Variants in GBF1 observed in about 807,000 individuals in gnomAD.
The protein encoded by GBF1 is Golgi-specific brefeldin A-resistance guanine nucleotide exchange factor 1.
In GBF1, 114 loss-of-function variants were observed where a neutral mutation model predicts 210.5. That is an observed-to-expected ratio of 0.54 (90% CI 0.47 to 0.63). The LOEUF is 0.63. GBF1 is among the 30% of genes least tolerant of loss of function. The pLI is 0.00. For synonymous variants in GBF1, 850 were observed against 889.2 expected, an observed-to-expected ratio of 0.96 and a Z score of 0.78; for missense variants, 1,851 against 2,357.7, an observed-to-expected ratio of 0.79 and a Z score of 4.45.
At chr10:102,248,947 T>G (rs2071163778) in intron 1 of GBF1, among the ~76,000 whole-genome samples, 1 of 152,210 alleles carries the variant, frequency 6.6e-6, no homozygotes, top group Non-Finnish European at 1.5e-5. Context: ...TTCCTTTATT[T>G]AGAAGAGCCA....
At chr10:102,377,414 C>T (rs948836505) in intron 33 of GBF1, among the ~76,000 whole-genome samples, 19 of 151,864 alleles carry the variant, frequency 1.3e-4, no homozygotes, top group African/African-American at 4.1e-4. Flanking sequence ...AGTGCAGTGG[C>T]GTGATCTCGG....
At chr10:102,361,977 G>A (rs1171994959) in intron 14 of GBF1, 65 bp downstream of exon 14, 1 of 889,956 alleles carries the variant, frequency 1.1e-6, no homozygotes, top group East Asian at 2.9e-5. Context: ...CCTGGTGGTA[G>A]TGAGGATGTT....
intron 33 of GBF1, 61 bp downstream of exon 33, chr10:102,377,201 G>C: frequency 6.9e-7 from 1 of 1,441,830 alleles, no homozygotes; most frequent in Non-Finnish European, 9.7e-7. Context: ...AGCCTGGGGC[G>C]GCCAGGGAAA....
intron 3 of GBF1, among the ~76,000 whole-genome samples, chr10:102,342,360 C>A (rs971866569): frequency 1.3e-5 from 2 of 151,514 alleles, no homozygotes; most frequent in African/African-American, 4.9e-5. Context: ...TTTAAAAGTA[C>A]GTTATGTATT....
At chr10:102,324,413 A>G (rs1223117337) in intron 3 of GBF1, among the ~76,000 whole-genome samples, 1 of 152,110 alleles carries the variant, frequency 6.6e-6, no homozygotes, top group East Asian at 1.9e-4. Context: ...AGTTATTTGT[A>G]AGAAGGAAAA....
In GBF1 at chr10:102,245,730, C is replaced by T. The variant is rs1293786045; in HGVS notation, c.-62C>T. The T allele has an allele frequency of 1.3e-5, 2 of 152,232 alleles. No individual in the cohort carries two copies. The highest frequency in any genetic ancestry group is 4.8e-5 in the African/African-American group (2 of 41,454). The allele number at this position is 152,232 out of a possible 1,614,324, so 9.4% of individuals were successfully genotyped here. ...CTCCGGGGTGCGGGCTGGACATGAG[C>T]AGCGGCTGCCGGTCCTGGGACTAGG... On this transcript the variant is annotated 5_prime_UTR_variant, in exon 1 of 40. Transcript: ENST00000369983.
At chr10:102,362,798 T>A in intron 15 of GBF1, 134 bp downstream of exon 15, 1 of 655,390 alleles carries the variant, frequency 1.5e-6, no homozygotes, top group Non-Finnish European at 2.6e-6. Flanking sequence ...TTTGGCAGTT[T>A]AAATCACAGG....
At chr10:102,339,986 CTT>C (rs1409585838) in intron 3 of GBF1, among the ~76,000 whole-genome samples, 1 of 144,630 alleles carries the variant, frequency 6.9e-6, no homozygotes, top group African/African-American at 2.6e-5. Context: ...CAGGATCTCA[CTT>C]TGTCACCCAG....
At chr10:102,347,309 C>A (rs985311623) in intron 4 of GBF1, among the ~76,000 whole-genome samples, 1 of 152,252 alleles carries the variant, frequency 6.6e-6, no homozygotes, top group Non-Finnish European at 1.5e-5. Flanking sequence ...CAACTAGCTT[C>A]TGAACAGGTG....
the GBF1 span, among the ~76,000 whole-genome samples, chr10:102,232,573 T>G: frequency 6.6e-6 from 1 of 152,118 alleles, no homozygotes; most frequent in South Asian, 2.1e-4. Context: ...TCTCAGCTAC[T>G]CGGGAGGCTG....
chr10:102,362,351 C>T (rs972960620), intron 14 of GBF1, 124 bp from the exon 15 acceptor site: 36 of 709,278 alleles, frequency 5.1e-5, no homozygotes, highest in Non-Finnish European at 7.4e-5. Context: ...CCACCACGCC[C>T]GGCCAGAAAG....
At position 102,363,581 on chromosome 10, in the gene GBF1, G is replaced by A; in HGVS notation, c.2018-129G>A. On this transcript the variant is annotated intron_variant, in intron 16 of 39. Coordinates refer to ENST00000369983, the MANE Select transcript of GBF1 (RefSeq NM_001377137.1). This position sits in a 1 kb window ranked among gnomAD's most constrained non-coding sequence, Gnocchi z 4.2. The stretch of plus-strand genomic sequence containing the variant: ...TGATAGGACTTCCAGGGAAGTGGAA[G>A]ACTGGTGAGGACAAGATTTCTGAGG... The A allele has an allele frequency of 7.4e-6, 6 of 805,708 alleles. No homozygotes were observed. The highest frequency in any genetic ancestry group is 1.3e-5 in the Non-Finnish European group (6 of 476,288). 49.9% of individuals were successfully genotyped at this position (805,708 alleles called of 1,614,324 possible).
At chr10:102,263,980 G>T (rs895681280) in intron 3 of GBF1, among the ~76,000 whole-genome samples, 1 of 152,168 alleles carries the variant, frequency 6.6e-6, no homozygotes, top group South Asian at 2.1e-4. Context: ...TAAAACAGAT[G>T]TGTGGTTACC....
chr10:102,233,850 C>T, the GBF1 span, among the ~76,000 whole-genome samples: 1 of 152,188 alleles, frequency 6.6e-6, no homozygotes, highest in Non-Finnish European at 1.5e-5. Flanking sequence ...CCTCACATTG[C>T]CCAGGAGCCT....
At chr10:102,339,609 T>G (rs1436079731) in intron 3 of GBF1, among the ~76,000 whole-genome samples, 2 of 151,088 alleles carry the variant, frequency 1.3e-5, no homozygotes, top group Non-Finnish European at 2.9e-5. Flanking sequence ...AAGGTTGCAG[T>G]GAGCCAAGAT....
chr10:102,346,175 G>T (rs947361245), intron 4 of GBF1, among the ~76,000 whole-genome samples: 3 of 152,062 alleles, frequency 2.0e-5, no homozygotes, highest in Non-Finnish European at 4.4e-5. Context: ...TAGAGACAGG[G>T]TTTCACCATA....
chr10:102,320,307 C>T (rs977520021), intron 3 of GBF1, among the ~76,000 whole-genome samples: 1 of 151,998 alleles, frequency 6.6e-6, no homozygotes, highest in Non-Finnish European at 1.5e-5. Context: ...AATCTCAGTC[C>T]TTTATATTTA....
chr10:102,280,749 G>A (rs1250938031), intron 3 of GBF1, among the ~76,000 whole-genome samples: 1 of 152,178 alleles, frequency 6.6e-6, no homozygotes. Context: ...TCCAGGCTCT[G>A]CCCTCTGGAC....
intron 3 of GBF1, among the ~76,000 whole-genome samples, chr10:102,267,794 A>G (rs2074014043): frequency 6.6e-6 from 1 of 152,220 alleles, no homozygotes; most frequent in South Asian, 2.1e-4. Context: ...GTGTTAGGAA[A>G]GGCAATGGGC....
Sources: allele counts gnomAD v4.1 joint callset (sites outside exome capture counted in the v4.1 genomes callset), GRCh38; gene constraint gnomAD v4.1.1; non-coding constraint Gnocchi (gnomAD v3.1); transcripts MANE v1.5; gene names NCBI Gene and HGNC (gene_info 2026-07-23, HGNC 2026-07-21).